Variants in KCNH7 observed in about 807,000 individuals in gnomAD.
KCNH7 encodes potassium voltage-gated channel subfamily H member 7, also known as voltage-gated inwardly rectifying potassium channel KCNH7.
Under a neutral mutation model 120.8 loss-of-function variants are expected in KCNH7, and 49 were observed. The observed-to-expected ratio is 0.41, with a 90% CI of 0.32 to 0.51. The LOEUF is 0.51. Ranked by LOEUF, KCNH7 falls within the 20% of genes least tolerant of loss-of-function variation. The pLI is 0.38. For missense variants in KCNH7, 1,097 were observed against 1,446.6 expected, an observed-to-expected ratio of 0.76 and a Z score of 3.92; for synonymous variants, 547 against 516.1, an observed-to-expected ratio of 1.06 and a Z score of -0.81.
chr2:162,541,676 C>T (rs1692307119), intron 2 of KCNH7, among the ~76,000 whole-genome samples: 1 of 152,058 alleles, frequency 6.6e-6, no homozygotes, highest in African/African-American at 2.4e-5. Flanking sequence ...ACAACACATA[C>T]TGAGGCCTGT....
chr2:162,372,211 T>C, intron 15 of KCNH7, 116 bp from the exon 16 acceptor site: 1 of 833,658 alleles, frequency 1.2e-6, no homozygotes, highest in Admixed American at 2.8e-5. Flanking sequence ...ATTTGATTAG[T>C]GATATTAGCC....
At chr2:162,442,317 C>T (rs1024650126) in intron 7 of KCNH7, among the ~76,000 whole-genome samples, 9 of 151,620 alleles carry the variant, frequency 5.9e-5, no homozygotes, top group South Asian at 4.2e-4. Context: ...TGAGCCACTG[C>T]GCCCGGCCGT....
chr2:162,593,949 C>T (rs995139926), intron 2 of KCNH7, among the ~76,000 whole-genome samples: 2 of 151,984 alleles, frequency 1.3e-5, no homozygotes, highest in Admixed American at 6.6e-5. Flanking sequence ...TCCTGTCTTG[C>T]AGTTGACTGG....
At chr2:162,454,649 C>A (rs1688896588) in intron 6 of KCNH7, among the ~76,000 whole-genome samples, 1 of 152,004 alleles carries the variant, frequency 6.6e-6, no homozygotes, top group African/African-American at 2.4e-5. Flanking sequence ...TTGTAGTTCT[C>A]CTTGAAGAAG....
intron 2 of KCNH7, among the ~76,000 whole-genome samples, chr2:162,720,801 CT>C: frequency 6.6e-6 from 1 of 152,162 alleles, no homozygotes; most frequent in Non-Finnish European, 1.5e-5. Flanking sequence ...ACTTGTTTGT[CT>C]TCGACATGAG....
At chr2:162,757,521 G>A (rs1267741338) in intron 2 of KCNH7, among the ~76,000 whole-genome samples, 1 of 152,002 alleles carries the variant, frequency 6.6e-6, no homozygotes, top group African/African-American at 2.4e-5. Flanking sequence ...TGTTTGTAAG[G>A]TTAGCCATTT....
chr2:162,807,180 G>A (rs1684570314), intron 2 of KCNH7, among the ~76,000 whole-genome samples: 1 of 150,588 alleles, frequency 6.6e-6, no homozygotes, highest in African/African-American at 2.4e-5. Flanking sequence ...GGAGGCCAAG[G>A]CGGGTGGATC....
chr2:162,459,007 A>AAATAAT (rs71009358), intron 6 of KCNH7, among the ~76,000 whole-genome samples: 42,487 of 134,458 alleles, frequency 0.32, 6,946 homozygotes, highest in African/African-American at 0.38. Flanking sequence ...TTCTGTTTCA[A>AAATAAT]AATAATAATA....
At chr2:162,527,633 A>G (rs1026770312) in intron 3 of KCNH7, among the ~76,000 whole-genome samples, 2 of 152,018 alleles carry the variant, frequency 1.3e-5, no homozygotes, top group Non-Finnish European at 2.9e-5. Context: ...TAAATTATCA[A>G]CTATATTTTG....
chr2:162,759,725 AAG>A (rs1688904597), intron 2 of KCNH7, among the ~76,000 whole-genome samples: 1 of 152,056 alleles, frequency 6.6e-6, no homozygotes, highest in Non-Finnish European at 1.5e-5. Context: ...AGAACAGAGG[AAG>A]AGAGGAAAGA....
intron 7 of KCNH7, among the ~76,000 whole-genome samples, chr2:162,440,858 C>T (rs950991636): frequency 6.6e-6 from 1 of 152,036 alleles, no homozygotes; most frequent in Non-Finnish European, 1.5e-5. Context: ...TCAAGTGATT[C>T]TAAACAGTAG....
intron 14 of KCNH7, among the ~76,000 whole-genome samples, chr2:162,375,655 C>T (rs969389841): frequency 2.6e-5 from 4 of 152,016 alleles, no homozygotes; most frequent in Middle Eastern, 3.2e-3. Flanking sequence ...GGGCCAGTCA[C>T]GATGGTTCAT....
chr2:162,479,657 TTGTGTGTGTGTGTGCATGTGTGTG>T (rs1233353931), intron 6 of KCNH7, among the ~76,000 whole-genome samples: 1 of 146,622 alleles, frequency 6.8e-6, no homozygotes, highest in Non-Finnish European at 1.5e-5. Flanking sequence ...CATTAGGAAA[TTGTGTGTGTGTGTGCATGTGTGTG>T]TGTGTGTGTG....
At chr2:162,564,248 C>T (rs1445787509) in intron 2 of KCNH7, among the ~76,000 whole-genome samples, 1 of 151,270 alleles carries the variant, frequency 6.6e-6, no homozygotes, top group East Asian at 1.9e-4. Context: ...CTGGATAGCA[C>T]GGTTAGGACC....
intron 2 of KCNH7, among the ~76,000 whole-genome samples, chr2:162,685,642 CA>C (rs1685864012): frequency 6.6e-6 from 1 of 150,972 alleles, no homozygotes; most frequent in African/African-American, 2.4e-5. Flanking sequence ...AAGGAACACA[CA>C]AGTGAATGGA....
intron 2 of KCNH7, among the ~76,000 whole-genome samples, chr2:162,552,959 C>G (rs12479332): frequency 6.6e-6 from 1 of 152,050 alleles, no homozygotes; most frequent in Non-Finnish European, 1.5e-5. Context: ...ACACCCAGCC[C>G]GACTTCTGAC....
At chr2:162,434,705 G>GTA (rs35935156) in intron 8 of KCNH7, among the ~76,000 whole-genome samples, 2,381 of 146,854 alleles carry the variant, frequency 0.016, 37 homozygotes, top group African/African-American at 0.044. Flanking sequence ...TATGTTGCAT[G>GTA]TATATATATA....
At chr2:162,680,390 G>T (rs1244545018) in intron 2 of KCNH7, among the ~76,000 whole-genome samples, 1 of 151,714 alleles carries the variant, frequency 6.6e-6, no homozygotes, top group African/African-American at 2.4e-5. Context: ...AGAAAGAAAA[G>T]GAGTTAGATA....
intron 2 of KCNH7, among the ~76,000 whole-genome samples, chr2:162,828,457 T>C (rs1685364712): frequency 6.6e-6 from 1 of 152,110 alleles, no homozygotes; most frequent in Non-Finnish European, 1.5e-5. Flanking sequence ...CAACAGACAT[T>C]TTAACTTGTC....
Sources: gnomAD v4.1 joint callset for allele counts (sites outside exome capture counted in the v4.1 genomes callset) on GRCh38, gnomAD v4.1.1 for gene constraint, MANE v1.5 for transcripts, NCBI Gene and HGNC (gene_info 2026-07-23, HGNC 2026-07-21) for gene names.